SDK1: variants seen among roughly 807,000 people sequenced by gnomAD.
SDK1 encodes the protein protein sidekick-1.
In SDK1, 157 loss-of-function variants were observed where a neutral mutation model predicts 245.5. The ratio of observed to expected loss-of-function variants is 0.64; its 90% CI spans 0.56 to 0.73. SDK1 has a LOEUF of 0.73. Ranked by LOEUF, SDK1 falls within the 30% of genes least tolerant of loss-of-function variation. The pLI is 0.00. For synonymous variants in SDK1, 1,647 were observed against 1,278.5 expected (o/e 1.29, Z -6.15); for missense variants, 3,583 against 3,002.3 (o/e 1.19, Z -4.52).
intron 35 of SDK1, among the ~76,000 whole-genome samples, chr7:4,195,073 A>T (rs1304815656): frequency 6.6e-6 from 1 of 152,196 alleles, no homozygotes; most frequent in African/African-American, 2.4e-5. Context: ...CTTTAGAAAA[A>T]AAAATTTGTA....
chr7:3,306,505 G>A (rs1779420751), intron 1 of SDK1, among the ~76,000 whole-genome samples: 1 of 152,192 alleles, frequency 6.6e-6, no homozygotes, highest in Non-Finnish European at 1.5e-5. Flanking sequence ...AGGAGGTGGA[G>A]TTTGTAAGGT....
intron 5 of SDK1, among the ~76,000 whole-genome samples, chr7:3,842,394 G>A (rs1780180079): frequency 6.6e-6 from 1 of 152,180 alleles, no homozygotes; most frequent in East Asian, 1.9e-4. Context: ...TCACTGTGCT[G>A]GTATGGGTAG....
At chr7:3,392,082 A>G (rs1015511205) in intron 1 of SDK1, among the ~76,000 whole-genome samples, 2 of 151,998 alleles carry the variant, frequency 1.3e-5, no homozygotes, top group Non-Finnish European at 2.9e-5. Context: ...GATAGAAAGT[A>G]TTAGTATTAT....
intron 1 of SDK1, among the ~76,000 whole-genome samples, chr7:3,506,649 C>T (rs1782401411): frequency 6.6e-6 from 1 of 152,124 alleles, no homozygotes; most frequent in Non-Finnish European, 1.5e-5. Context: ...TCTTCCTCCC[C>T]CTGCTCCCCA....
intron 32 of SDK1, among the ~76,000 whole-genome samples, chr7:4,172,326 C>T (rs756601848): frequency 1.1e-4 from 16 of 152,142 alleles, no homozygotes; most frequent in South Asian, 2.1e-4. Flanking sequence ...CTGGCATGTG[C>T]GTGTCGCATG....
intron 1 of SDK1, among the ~76,000 whole-genome samples, chr7:3,336,002 T>A (rs749852611): frequency 4.6e-5 from 7 of 151,908 alleles, no homozygotes; most frequent in Non-Finnish European, 1.0e-4. Flanking sequence ...CTCCTTACTA[T>A]CTCCCACATG....
chr7:4,045,669 T>C (rs1246302982), intron 17 of SDK1, among the ~76,000 whole-genome samples: 1 of 152,108 alleles, frequency 6.6e-6, no homozygotes, highest in Non-Finnish European at 1.5e-5. Flanking sequence ...TCCCACCAGG[T>C]GGCCGTGCCA....
At chr7:3,800,362 C>CTTAATTAT (rs201361414) in intron 4 of SDK1, among the ~76,000 whole-genome samples, 1 of 141,572 alleles carries the variant, frequency 7.1e-6, no homozygotes, top group African/African-American at 2.7e-5. Context: ...TACTTACTTA[C>CTTAATTAT]TTACTTACTT....
At chr7:3,641,721 A>G (rs1241366690) in intron 3 of SDK1, among the ~76,000 whole-genome samples, 8 of 152,336 alleles carry the variant, frequency 5.3e-5, no homozygotes, top group Admixed American at 5.2e-4. Flanking sequence ...GACAAAGACC[A>G]TGTGGCTTTG....
chr7:4,077,088 G>A lies in SDK1; in HGVS notation c.3101G>A (p.Gly1034Asp). ...ACGACGCACGAGTACAAGATCCAAG[G>A]CCTCTCATCTCTCACCACCTACACC... is the stretch of plus-strand genomic sequence containing the variant. ...NSTTHEYKIQ[G>D]LSSLTTYTID... is the part of the protein sequence containing the mutation. The change falls in exon 21 of 45, where the codon GGC becomes GAC. Residue 1034 changes from glycine (G) to aspartate (D), a missense_variant. Transcript: ENST00000404826. The A allele has an allele frequency of 1.2e-6, 2 of 1,614,188 alleles. No homozygotes were observed. The highest frequency in any genetic ancestry group is 8.5e-7 in the Non-Finnish European group (1 of 1,180,024).
chr7:3,969,477 A>G, intron 11 of SDK1, 53 bp downstream of exon 11: 1 of 1,404,560 alleles, frequency 7.1e-7, no homozygotes, highest in Non-Finnish European at 9.5e-7. Flanking sequence ...TTTAATCATC[A>G]CGTCATCGTG....
chr7:3,677,588 C>T (rs1421901169), intron 4 of SDK1, among the ~76,000 whole-genome samples: 1 of 152,196 alleles, frequency 6.6e-6, no homozygotes, highest in African/African-American at 2.4e-5. Flanking sequence ...CTCCACCTGG[C>T]CCTGCCCTTG....
chr7:4,060,109 C>A lies in SDK1; in HGVS notation c.2912-7729C>A, dbSNP rs28788182. ...TGTTAGCCAGGATGGTCTCGATCTC[C>A]TGACCTCGTGATCCGCCCGCCTCGG... On this transcript the variant is annotated intron_variant, in intron 19 of 44. Transcript: ENST00000404826. Among the ~76,000 whole-genome samples the A allele has an allele frequency of 7.0e-3, 1,059 of 152,170 alleles. 10 individuals are homozygous for A. The highest frequency in any genetic ancestry group is 0.024 in the African/African-American group (996 of 41,534).
At chr7:3,796,519 TC>T (rs58289622) in intron 4 of SDK1, among the ~76,000 whole-genome samples, 149 of 151,670 alleles carry the variant, frequency 9.8e-4, no homozygotes, top group African/African-American at 3.5e-3. Context: ...AATGCCCCTC[TC>T]CCCCCCAGCC....
chr7:3,680,290 G>A (rs953462670), intron 4 of SDK1, among the ~76,000 whole-genome samples: 1 of 152,200 alleles, frequency 6.6e-6, no homozygotes, highest in Non-Finnish European at 1.5e-5. Context: ...GGGAGTTAGA[G>A]ACGTAGGAGA....
chr7:3,643,458 C>T (rs1054816491), intron 4 of SDK1: 1 of 148,976 alleles, frequency 6.7e-6, no homozygotes, highest in African/African-American at 2.5e-5. Context: ...GGAATCCTTC[C>T]CCTAAACCTG....
intron 28 of SDK1, among the ~76,000 whole-genome samples, chr7:4,135,999 G>T (rs1779059117): frequency 6.6e-6 from 1 of 152,216 alleles, no homozygotes; most frequent in Non-Finnish European, 1.5e-5. Flanking sequence ...AAGGCTGCTT[G>T]GGTTACAGAG....
At chr7:3,649,410 C>T (rs1183944317) in intron 4 of SDK1, among the ~76,000 whole-genome samples, 1 of 151,976 alleles carries the variant, frequency 6.6e-6, no homozygotes, top group Non-Finnish European at 1.5e-5. Context: ...GCCCCTCCTG[C>T]TGTTGGTATG....
intron 1 of SDK1, among the ~76,000 whole-genome samples, chr7:3,518,884 T>G (rs182400202): frequency 4.6e-5 from 7 of 151,912 alleles, no homozygotes; most frequent in African/African-American, 1.4e-4. Flanking sequence ...ATACAAGATA[T>G]GGAAGTAACC....
Sources: gnomAD v4.1 joint callset for allele counts (sites outside exome capture counted in the v4.1 genomes callset) on GRCh38, gnomAD v4.1.1 for gene constraint, MANE v1.5 for transcripts, NCBI Gene and HGNC (gene_info 2026-07-23, HGNC 2026-07-21) for gene names.